Variants in PCDHA4 observed in about 807,000 individuals in gnomAD.
The protein encoded by PCDHA4 is protocadherin alpha 4, also known as protocadherin alpha-4.
In PCDHA4, 49 loss-of-function variants were observed where a neutral mutation model predicts 61.4. The ratio of observed to expected loss-of-function variants is 0.80; its 90% CI spans 0.63 to 1.01. The LOEUF (loss-of-function observed/expected upper bound fraction) is 1.01. PCDHA4 is among the 50% of genes least tolerant of loss of function. The pLI is 0.00. For synonymous variants in PCDHA4, 590 were observed against 550.3 expected (o/e 1.07, Z -1.01); for missense variants, 1,254 against 1,235.8 (o/e 1.01, Z -0.22).
At chr5:140,927,639 G>T in intron 1 of PCDHA4, 11 of 1,614,194 alleles carry the variant, frequency 6.8e-6, no homozygotes, top group Non-Finnish European at 9.3e-6. Flanking sequence ...CACCCAATGG[G>T]ACTGTGTTAT....
At chr5:140,811,370 G>A (rs964805506) in intron 1 of PCDHA4, 7 of 152,158 alleles carry the variant, frequency 4.6e-5, no homozygotes, top group African/African-American at 1.7e-4. Context: ...AGTCTTCCAT[G>A]GTGTATATGT....
intron 1 of PCDHA4, among the ~76,000 whole-genome samples, chr5:140,972,633 T>G (rs1230723429): frequency 6.6e-6 from 1 of 151,644 alleles, no homozygotes; most frequent in Non-Finnish European, 1.5e-5. Context: ...TGGCACTCCC[T>G]TCAGAGTCTC....
chr5:140,939,811 A>G (rs1554212933), intron 1 of PCDHA4, among the ~76,000 whole-genome samples: 1 of 152,224 alleles, frequency 6.6e-6, no homozygotes, highest in African/African-American at 2.4e-5. Context: ...CATGTTCAAG[A>G]AAAAGCAGTA....
intron 1 of PCDHA4, among the ~76,000 whole-genome samples, chr5:140,902,974 AGGTT>A (rs2069912537): frequency 6.6e-6 from 1 of 152,178 alleles, no homozygotes. Context: ...ATGGGCATTT[AGGTT>A]GGTTCCATAT....
intron 1 of PCDHA4, among the ~76,000 whole-genome samples, chr5:140,885,076 A>G (rs1032982957): frequency 1.3e-5 from 2 of 152,226 alleles, no homozygotes; most frequent in African/African-American, 4.8e-5. Context: ...ATTATTTTAA[A>G]GAGCCCCATA....
chr5:140,868,449 C>T (rs1323009325), intron 1 of PCDHA4: 1 of 152,158 alleles, frequency 6.6e-6, no homozygotes, highest in Non-Finnish European at 1.5e-5. Context: ...GGAACATAAA[C>T]ACTAAAGAGC....
chr5:140,823,444 G>C, intron 1 of PCDHA4: 1 of 1,613,408 alleles, frequency 6.2e-7, no homozygotes. Context: ...CGTGCTGGAC[G>C]AGAACGACAA....
chr5:140,927,838 G>C, intron 1 of PCDHA4: 1 of 1,614,210 alleles, frequency 6.2e-7, no homozygotes, highest in Non-Finnish European at 8.5e-7. Context: ...GAGGGACGAA[G>C]GTGTCTTTGG....
chr5:140,989,240 C>T (rs1180879985), intron 3 of PCDHA4, among the ~76,000 whole-genome samples: 1 of 152,152 alleles, frequency 6.6e-6, no homozygotes, highest in Non-Finnish European at 1.5e-5. Flanking sequence ...AAGTTTTAAG[C>T]CCCTTGTCAA....
rs567637148 is a variant in PCDHA4, at chr5:140,861,555, G to A, written c.2385+51983G>A. The A allele has an allele frequency of 2.5e-5, 10 of 403,260 alleles. No individual in the cohort carries two copies. The East Asian group carries it at 5.2e-4, about 21-fold the overall frequency. 25.0% of individuals were successfully genotyped at this position (403,260 alleles called of 1,614,324 possible). ...GTGCAGCATCCACCTGGAAGTGATC[G>A]TGGACAAGCTGCTACAGGTTTTCCA... On this transcript the variant is annotated intron_variant, in intron 1 of 3. Transcript: ENST00000530339.
At chr5:140,827,119 C>G (rs1259268754) in intron 1 of PCDHA4, among the ~76,000 whole-genome samples, 3 of 151,928 alleles carry the variant, frequency 2.0e-5, no homozygotes, top group Non-Finnish European at 4.4e-5. Flanking sequence ...GTGAAAGTGA[C>G]AATTAGAAAC....
At chr5:140,979,486 C>T (rs1222755275) in intron 2 of PCDHA4, among the ~76,000 whole-genome samples, 1 of 152,032 alleles carries the variant, frequency 6.6e-6, no homozygotes, top group African/African-American at 2.4e-5. Flanking sequence ...TGTGTTCACA[C>T]CTATTAGAGC....
chr5:140,869,205 C>A (rs782278064), intron 1 of PCDHA4: 1 of 1,613,994 alleles, frequency 6.2e-7, no homozygotes, highest in Non-Finnish European at 8.5e-7. Flanking sequence ...TCCACTACTC[C>A]GTCTCGGAGG....
Position 140,856,390 on chromosome 5 carries a change from G to A in PCDHA4, c.2385+46818G>A, listed in dbSNP as rs2043967931. On this transcript the variant is annotated intron_variant, in intron 1 of 3. Coordinates refer to ENST00000530339, the MANE Select transcript of PCDHA4 (RefSeq NM_018907.4). ...AGGTGATCGTGGACAGGCCGCTGCA[G>A]GTTTTCCATGTGGACGTGGAAGTGA... is the stretch of plus-strand genomic sequence containing the variant. 3 of 1,598,440 alleles carry A rather than the reference G, an allele frequency of 1.9e-6. 1 individual carries two copies. The highest frequency in any genetic ancestry group is 2.6e-6 in the Non-Finnish European group (3 of 1,167,994).
At chr5:140,884,410 G>GT in intron 1 of PCDHA4, 1 of 1,614,008 alleles carries the variant, frequency 6.2e-7, no homozygotes, top group Non-Finnish European at 8.5e-7. Context: ...TGGTGCTCAC[G>GT]TTGCTGCTGT....
chr5:140,858,054 T>G, intron 1 of PCDHA4: 2 of 1,597,316 alleles, frequency 1.3e-6, no homozygotes, highest in South Asian at 2.2e-5. Flanking sequence ...GTGTCGCTTG[T>G]GGAGGGCAGC....
chr5:140,901,234 T>A (rs1013983503), intron 1 of PCDHA4, among the ~76,000 whole-genome samples: 4 of 152,156 alleles, frequency 2.6e-5, no homozygotes, highest in African/African-American at 9.7e-5. Context: ...ATATATCCAT[T>A]TTTTTCCTTT....
chr5:141,005,563 A>G (rs938722871), intron 3 of PCDHA4, among the ~76,000 whole-genome samples: 4 of 151,458 alleles, frequency 2.6e-5, no homozygotes, highest in East Asian at 1.9e-4. Context: ...TTAGCCGGGC[A>G]TGGTGGCGCG....
At chr5:140,873,007 C>G (rs1363151505) in intron 1 of PCDHA4, among the ~76,000 whole-genome samples, 2 of 152,088 alleles carry the variant, frequency 1.3e-5, no homozygotes, top group East Asian at 3.8e-4. Context: ...AGTCATTCTT[C>G]ATATTTAGTT....
Sources: allele counts gnomAD v4.1 joint callset (sites outside exome capture counted in the v4.1 genomes callset), GRCh38; gene constraint gnomAD v4.1.1; transcripts MANE v1.5; gene names NCBI Gene and HGNC (gene_info 2026-07-23, HGNC 2026-07-21).